MGAT4C: variants seen among roughly 807,000 people sequenced by gnomAD.
MGAT4C encodes MGAT4 family member C.
Under a neutral mutation model 40.1 loss-of-function variants are expected in MGAT4C, and 19 were observed. The ratio of observed to expected loss-of-function variants is 0.47; its 90% CI spans 0.33 to 0.70. The LOEUF (loss-of-function observed/expected upper bound fraction) is 0.70. Among genes scored for constraint, MGAT4C ranks in the 30% least tolerant of loss-of-function variants. The pLI is 0.02. For synonymous variants in MGAT4C, 181 were observed against 187.1 expected, an observed-to-expected ratio of 0.97 and a Z score of 0.27; for missense variants, 491 against 563.2, an observed-to-expected ratio of 0.87 and a Z score of 1.30.
At chr12:86,047,168 G>A (rs896652441) in intron 2 of MGAT4C, among the ~76,000 whole-genome samples, 4 of 151,924 alleles carry the variant, frequency 2.6e-5, no homozygotes, top group African/African-American at 9.7e-5. Flanking sequence ...CTTTTTTTCT[G>A]CAACATTTCT....
intron 1 of MGAT4C, among the ~76,000 whole-genome samples, chr12:86,235,864 A>G (rs2136028606): frequency 6.6e-6 from 1 of 152,180 alleles, no homozygotes; most frequent in East Asian, 1.9e-4. Flanking sequence ...TAGTGATTGG[A>G]ATAAAGTTGG....
rs1166074973 is a variant in MGAT4C, at chr12:86,302,409, G to T, written c.-57+31656C>A. ...GGGTTTTTGTTTGTTTGGTTGGTTG[G>T]TTGGTTGGTTGGTTGGGTTTGGTTT... On this transcript the variant is annotated intron_variant, in intron 4 of 7. Transcript: ENST00000548651. Among the ~76,000 whole-genome samples, 352 of 149,264 alleles carry T rather than the reference G, an allele frequency of 2.4e-3. 2 individuals carry two copies. Among genetic ancestry groups the T allele is most frequent in the South Asian group, 4.4e-3 (21 of 4,798 alleles).
chr12:86,659,763 A>T (rs542217590), intron 2 of MGAT4C, among the ~76,000 whole-genome samples: 1 of 152,128 alleles, frequency 6.6e-6, no homozygotes, highest in East Asian at 1.9e-4. Context: ...CCTGGCAGAG[A>T]AGTCACTGTG....
In MGAT4C at chr12:86,816,563, A is replaced by G. The variant is rs537176688; in HGVS notation, c.-262+22103T>C. On this transcript the variant is annotated intron_variant, in intron 1 of 7. Coordinates refer to the MGAT4C transcript ENST00000548651. Reference sequence around the variant, plus strand: ...ACGTACCAGCAAAATTAAGTGTTCTAGAAATTTGTCATTTTTTAATACATT... The same window carrying G: ...ACGTACCAGCAAAATTAAGTGTTCTGGAAATTTGTCATTTTTTAATACATT... Among the ~76,000 whole-genome samples, 11 of 151,856 alleles carry G rather than the reference A, an allele frequency of 7.2e-5. No individual in the cohort carries two copies. The East Asian group carries it at 1.9e-3, about 27-fold the overall frequency.
intron 2 of MGAT4C, among the ~76,000 whole-genome samples, chr12:86,682,374 A>G (rs1593110428): frequency 6.6e-6 from 1 of 152,202 alleles, no homozygotes; most frequent in East Asian, 1.9e-4. Flanking sequence ...CAGTTTACTA[A>G]TTACACAATA....
chr12:86,622,100 T>G (rs939166055), intron 2 of MGAT4C, among the ~76,000 whole-genome samples: 3 of 152,216 alleles, frequency 2.0e-5, no homozygotes, highest in Non-Finnish European at 4.4e-5. Flanking sequence ...GTAGTTTAGG[T>G]GTATTGAATA....
chr12:86,821,615 G>A (rs370378119), intron 1 of MGAT4C, among the ~76,000 whole-genome samples: 21 of 150,806 alleles, frequency 1.4e-4, no homozygotes, highest in African/African-American at 4.6e-4. Context: ...CTATCTAATT[G>A]TATTTTTGTA....
intron 2 of MGAT4C, among the ~76,000 whole-genome samples, chr12:86,611,906 T>C (rs1363019915): frequency 6.6e-6 from 1 of 152,186 alleles, no homozygotes; most frequent in African/African-American, 2.4e-5. Context: ...TTGATACATA[T>C]AAATGTTTTA....
intron 4 of MGAT4C, among the ~76,000 whole-genome samples, chr12:86,265,982 CT>C (rs1339553770): frequency 2.0e-5 from 3 of 152,096 alleles, no homozygotes; most frequent in African/African-American, 7.2e-5. Flanking sequence ...TTTTTGTATG[CT>C]TTTTTGTATC....
At chr12:86,341,517 C>T (rs1349184981) in intron 3 of MGAT4C, among the ~76,000 whole-genome samples, 1 of 152,218 alleles carries the variant, frequency 6.6e-6, no homozygotes, top group Non-Finnish European at 1.5e-5. Flanking sequence ...AGCAAAAGCC[C>T]ATAGGCTGCA....
chr12:86,329,656 C>T (rs534086986), intron 4 of MGAT4C, among the ~76,000 whole-genome samples: 3 of 152,166 alleles, frequency 2.0e-5, no homozygotes, highest in South Asian at 2.1e-4. Context: ...ATGTCTCATT[C>T]GTCTTAATAC....
chr12:86,563,145 A>G (rs1277621887), intron 2 of MGAT4C, among the ~76,000 whole-genome samples: 1 of 152,176 alleles, frequency 6.6e-6, no homozygotes, highest in Non-Finnish European at 1.5e-5. Context: ...GAACACTTGC[A>G]TCCCTGAAGA....
At chr12:86,337,832 A>G (rs1343022238) in intron 3 of MGAT4C, among the ~76,000 whole-genome samples, 10 of 152,216 alleles carry the variant, frequency 6.6e-5, no homozygotes, top group Admixed American at 6.6e-4. Flanking sequence ...CCTTCTACTT[A>G]TAAAATTATC....
chr12:86,019,157 T>A (rs1889390323), intron 2 of MGAT4C, among the ~76,000 whole-genome samples: 1 of 152,206 alleles, frequency 6.6e-6, no homozygotes, highest in South Asian at 2.1e-4. Flanking sequence ...TGAACACTGT[T>A]TTGATTTGTC....
chr12:86,633,347 A>G (rs769346335), intron 2 of MGAT4C, among the ~76,000 whole-genome samples: 1 of 152,094 alleles, frequency 6.6e-6, no homozygotes, highest in Non-Finnish European at 1.5e-5. Flanking sequence ...TCATTTAGGT[A>G]TCAAAGGTCA....
intron 2 of MGAT4C, among the ~76,000 whole-genome samples, chr12:86,680,938 G>A (rs748662884): frequency 1.3e-5 from 2 of 151,878 alleles, no homozygotes; most frequent in Non-Finnish European, 2.9e-5. Context: ...AAATTTGCAA[G>A]CATTTTTTTC....
At chr12:86,815,464 C>G (rs1231495614) in intron 1 of MGAT4C, among the ~76,000 whole-genome samples, 1 of 151,458 alleles carries the variant, frequency 6.6e-6, no homozygotes, top group African/African-American at 2.4e-5. Flanking sequence ...AAAAGTAGAA[C>G]TACCATTTGA....
At chr12:86,661,436 T>TA (rs1190712455) in intron 2 of MGAT4C, among the ~76,000 whole-genome samples, 1 of 151,958 alleles carries the variant, frequency 6.6e-6, no homozygotes, top group African/African-American at 2.4e-5. Context: ...TGTCATAAGG[T>TA]AAAATATAAA....
upstream of MGAT4C, among the ~76,000 whole-genome samples, chr12:86,259,926 T>C (rs1287775295): frequency 1.5e-4 from 1 of 6,646 alleles, no homozygotes; most frequent in Non-Finnish European, 2.6e-4. Context: ...TTGAACAACA[T>C]TGTTACAATT....
Sources: allele counts gnomAD v4.1 joint callset (sites outside exome capture counted in the v4.1 genomes callset), GRCh38; gene constraint gnomAD v4.1.1; transcripts MANE v1.5; gene names NCBI Gene and HGNC (gene_info 2026-07-23, HGNC 2026-07-21).